PTPRD: variants seen among roughly 807,000 people sequenced by gnomAD.
PTPRD encodes protein tyrosine phosphatase receptor type D, also known as receptor-type tyrosine-protein phosphatase delta.
A neutral mutation model predicts 214.5 loss-of-function variants in PTPRD; 34 were observed. That is an observed-to-expected ratio of 0.16 (90% CI 0.12 to 0.21). The LOEUF is 0.21. Among genes scored for constraint, PTPRD ranks in the 10% least tolerant of loss-of-function variants. The probability of loss-of-function intolerance (pLI) is 1.00; values close to 1 mark genes in which losing one functional copy is unlikely to be tolerated. For synonymous variants in PTPRD, 1,128 were observed against 845.7 expected (o/e 1.33, Z -5.79); for missense variants, 2,545 against 2,398.7 (o/e 1.06, Z -1.27).
intron 2 of PTPRD, among the ~76,000 whole-genome samples, chr9:10,547,000 G>T (rs1199636735): frequency 6.6e-6 from 1 of 151,992 alleles, no homozygotes; most frequent in Non-Finnish European, 1.5e-5. Context: ...ATGGAGGCAG[G>T]TCATCTGCTG....
chr9:10,327,035 T>C (rs2096655609), intron 3 of PTPRD, among the ~76,000 whole-genome samples: 1 of 151,406 alleles, frequency 6.6e-6, no homozygotes, highest in Non-Finnish European at 1.5e-5. Flanking sequence ...TTAATTTGTT[T>C]GATAAATTAA....
intron 11 of PTPRD, among the ~76,000 whole-genome samples, chr9:8,906,501 G>C (rs1188171930): frequency 6.6e-6 from 1 of 152,144 alleles, no homozygotes; most frequent in Non-Finnish European, 1.5e-5. Flanking sequence ...AAGTAAATGA[G>C]ATAATGCTAT....
At chr9:8,613,722 G>A (rs1226295164) in intron 14 of PTPRD, among the ~76,000 whole-genome samples, 2 of 152,080 alleles carry the variant, frequency 1.3e-5, no homozygotes, top group African/African-American at 4.8e-5. Context: ...TTGGCTGTCT[G>A]CATGAACACA....
At chr9:10,114,270 C>G (rs1291920680) in intron 3 of PTPRD, among the ~76,000 whole-genome samples, 1 of 152,214 alleles carries the variant, frequency 6.6e-6, no homozygotes, top group South Asian at 2.1e-4. Flanking sequence ...AAGCAAATAA[C>G]AGCTGAGCCA....
intron 3 of PTPRD, among the ~76,000 whole-genome samples, chr9:10,243,575 C>T (rs1339265419): frequency 6.6e-6 from 1 of 151,818 alleles, no homozygotes; most frequent in Non-Finnish European, 1.5e-5. Context: ...CTGTAAGATC[C>T]ACCCTTCACA....
At chr9:8,954,631 T>C (rs1209948156) in intron 11 of PTPRD, among the ~76,000 whole-genome samples, 1 of 151,842 alleles carries the variant, frequency 6.6e-6, no homozygotes, top group Non-Finnish European at 1.5e-5. Context: ...TGGAGAGCTG[T>C]TCCAATGAGA....
intron 12 of PTPRD, among the ~76,000 whole-genome samples, chr9:8,724,321 T>C (rs926552636): frequency 6.6e-6 from 1 of 152,206 alleles, no homozygotes; most frequent in Non-Finnish European, 1.5e-5. Context: ...GGTTCAGTTT[T>C]AGAATAATGC....
chr9:8,496,451 T>C (rs1298816445), intron 26 of PTPRD, among the ~76,000 whole-genome samples: 1 of 152,182 alleles, frequency 6.6e-6, no homozygotes, highest in Admixed American at 6.5e-5. Context: ...ATGTAAACAC[T>C]AGAAAGGCAG....
chr9:9,626,819 T>C (rs1188483047), intron 7 of PTPRD, among the ~76,000 whole-genome samples: 1 of 152,164 alleles, frequency 6.6e-6, no homozygotes, highest in Non-Finnish European at 1.5e-5. Context: ...AATTTAGACA[T>C]TCTTCCTCCA....
chr9:9,746,683 C>T lies in PTPRD; in HGVS notation c.-325-12112G>A, dbSNP rs568991063. Among the ~76,000 whole-genome samples the T allele has an allele frequency of 3.9e-5, 6 of 152,176 alleles. No homozygotes were observed. The South Asian group carries it at 1.0e-3, about 26-fold the overall frequency. Reference sequence around the variant, plus strand: ...GAAATAAGGCATAGAAAAGATGAAACACAGTAAACAAGAACCCAGCAGGCA... The same window carrying T: ...GAAATAAGGCATAGAAAAGATGAAATACAGTAAACAAGAACCCAGCAGGCA... On this transcript the variant is annotated intron_variant, in intron 6 of 45. Coordinates refer to ENST00000381196, the MANE Select transcript of PTPRD (RefSeq NM_002839.4).
rs1470492346 is a variant in PTPRD, at chr9:8,521,477, T to A, written c.761A>T (p.Asn254Ile). 6.2e-7 allele frequency: 1 copy of A among 1,613,896 alleles called. No homozygotes were observed. Among genetic ancestry groups the A allele is most frequent in the Non-Finnish European group, 8.5e-7 (1 of 1,179,948 alleles). The change falls in exon 20 of 46, where the codon AAT becomes ATT. Residue 254 changes from asparagine to isoleucine, a missense_variant. Physicochemically the swap from Asn to Ile is moderately radical, Grantham distance 149 (BLOSUM62 -3). Coordinates refer to ENST00000381196, the MANE Select transcript of PTPRD (RefSeq NM_002839.4). Reference sequence around the variant, plus strand: ...TGACCCCACGGCCACACAGGTGATATTAACGCTTCCGCCTGGCATGATTTC... The same window carrying A: ...TGACCCCACGGCCACACAGGTGATAATAACGCTTCCGCCTGGCATGATTTC... ...NHEIMPGGSVNITCVAVGSPM... is the reference protein window; with the variant it reads ...NHEIMPGGSVIITCVAVGSPM...
At chr9:8,829,517 T>C (rs2097244452) in intron 11 of PTPRD, among the ~76,000 whole-genome samples, 1 of 152,046 alleles carries the variant, frequency 6.6e-6, no homozygotes, top group African/African-American at 2.4e-5. Context: ...GTGACTTTTT[T>C]GGAAGGTTAT....
At chr9:8,582,780 G>A (rs1465408112) in intron 14 of PTPRD, among the ~76,000 whole-genome samples, 1 of 152,166 alleles carries the variant, frequency 6.6e-6, no homozygotes, top group African/African-American at 2.4e-5. Flanking sequence ...TAGTTATGCT[G>A]GTAGAAATAT....
At chr9:8,559,096 G>A (rs1179970727) in intron 14 of PTPRD, among the ~76,000 whole-genome samples, 2 of 152,064 alleles carry the variant, frequency 1.3e-5, no homozygotes, top group African/African-American at 2.4e-5. Flanking sequence ...TTCTGACTGA[G>A]ATGACATAAT....
chr9:9,058,953 C>T (rs932474821), intron 10 of PTPRD, among the ~76,000 whole-genome samples: 12 of 152,054 alleles, frequency 7.9e-5, no homozygotes, highest in Non-Finnish European at 1.6e-4. Flanking sequence ...CCCAAAACAT[C>T]TCAGCTGAAG....
chr9:9,302,246 C>A (rs1421017433), intron 9 of PTPRD, among the ~76,000 whole-genome samples: 1 of 151,636 alleles, frequency 6.6e-6, no homozygotes, highest in Admixed American at 6.6e-5. Flanking sequence ...TCCTTCTGGC[C>A]CTATCTGACA....
At chr9:10,325,165 G>A (rs1401354619) in intron 3 of PTPRD, among the ~76,000 whole-genome samples, 1 of 151,950 alleles carries the variant, frequency 6.6e-6, no homozygotes, top group Non-Finnish European at 1.5e-5. Context: ...CAAATAGTTT[G>A]GGGGTCTTGT....
intron 3 of PTPRD, among the ~76,000 whole-genome samples, chr9:10,244,756 A>C (rs1484205234): frequency 6.6e-6 from 1 of 152,152 alleles, no homozygotes; most frequent in Non-Finnish European, 1.5e-5. Flanking sequence ...GGAGAGAAGT[A>C]GGTTTGCACC....
chr9:9,783,305 T>TTG (rs920020814), intron 5 of PTPRD, among the ~76,000 whole-genome samples: 2 of 152,170 alleles, frequency 1.3e-5, no homozygotes, highest in African/African-American at 2.4e-5. Context: ...TGAGGAAAAT[T>TTG]TCCAATTTCT....
Sources: allele counts gnomAD v4.1 joint callset (sites outside exome capture counted in the v4.1 genomes callset), GRCh38; gene constraint gnomAD v4.1.1; transcripts MANE v1.5; gene names NCBI Gene and HGNC (gene_info 2026-07-23, HGNC 2026-07-21).